The following SFMBT2 variants were observed in gnomAD, a reference collection of about 807,000 sequenced individuals.
SFMBT2 encodes the protein Scm like with four mbt domains 2.
SFMBT2 carries 38 observed loss-of-function variants against 110.1 expected under a neutral mutation model. The ratio of observed to expected loss-of-function variants is 0.35; its 90% CI spans 0.27 to 0.45. The LOEUF (loss-of-function observed/expected upper bound fraction) is 0.45. Among genes scored for constraint, SFMBT2 ranks in the 20% least tolerant of loss-of-function variants. SFMBT2 has a pLI of 1.00. For missense variants in SFMBT2, 1,011 were observed against 1,094.9 expected (o/e 0.92, Z 1.08); for synonymous variants, 425 against 425.4 (o/e 1.00, Z 0.01).
intron 16 of SFMBT2, among the ~76,000 whole-genome samples, chr10:7,179,000 G>T (rs1212364108): frequency 6.6e-6 from 1 of 151,774 alleles, no homozygotes; most frequent in Non-Finnish European, 1.5e-5. Flanking sequence ...TCTAAAGACT[G>T]GAAAAATACT....
chr10:7,387,761 T>C (rs1278190671), intron 1 of SFMBT2, among the ~76,000 whole-genome samples: 1 of 146,768 alleles, frequency 6.8e-6, no homozygotes, highest in Non-Finnish European at 1.5e-5. Flanking sequence ...CGAAACCCTG[T>C]CTCTATTAAA....
rs962796672 is a variant in SFMBT2 at position 7,171,426 on chromosome 10, T to C, written c.2416-370A>G. 3.1e-5 allele frequency: 31 copies of C among 985,306 alleles called. No homozygotes were observed. The highest frequency in any genetic ancestry group is 1.0e-3 in the Middle Eastern group (2 of 1,936). The allele number at this position is 985,306 out of a possible 1,614,324, so 61.0% of individuals were successfully genotyped here. A position where few individuals can be genotyped will look rare whatever the true frequency, so the allele number is the denominator to read the frequency against. The stretch of plus-strand genomic sequence containing the variant: ...GAGACAGTGTCCCCCAGTGTTTCTG[T>C]AATGGTGGTGCCAGTGGCCCTTTCT... On this transcript the variant is annotated intron_variant, in intron 19 of 20. Transcript: ENST00000397167. This position sits in a 1 kb window ranked among gnomAD's most constrained non-coding sequence, Gnocchi z 4.9.
intron 4 of SFMBT2, among the ~76,000 whole-genome samples, chr10:7,326,299 T>A (rs1375560492): frequency 6.6e-6 from 1 of 152,274 alleles, no homozygotes; most frequent in Non-Finnish European, 1.5e-5. Flanking sequence ...CCTTTGTGTC[T>A]GGCAGAACAT....
chr10:7,365,487 G>T (rs115165667), intron 4 of SFMBT2, among the ~76,000 whole-genome samples: 1 of 152,202 alleles, frequency 6.6e-6, no homozygotes, highest in African/African-American at 2.4e-5. Context: ...GTACACAGAC[G>T]AGTGGGTTCA....
rs779545530 is a variant in SFMBT2, at chr10:7,220,417, G to T, written c.1324C>A (p.Leu442Met). The change falls in exon 11 of 21, where the codon CTG becomes ATG. Residue 442 changes from leucine to methionine, a missense_variant. Leu to Met is a conservative substitution (Grantham distance 15). Transcript: ENST00000397167. ...SVKGRLMWLH[L>M]EGLQTPVPEV... ...ACCCCCAGCGAGTACGTACCTTCCA[G>T]GTGAAGCCACATTAGCCGCCCCTTC... The T allele has an allele frequency of 8.7e-6, 14 of 1,613,734 alleles. No individual in the cohort carries two copies. In the African/African-American group the frequency reaches 1.9e-4, roughly 22 times the overall value.
chr10:7,370,500 T>C (rs774191541), intron 2 of SFMBT2, 125 bp from the exon 3 acceptor site: 8 of 800,540 alleles, frequency 1.0e-5, no homozygotes, highest in Non-Finnish European at 1.6e-5. Context: ...CAGAAGGATA[T>C]TGCTGAATTT....
chr10:7,202,771 T>C, intron 12 of SFMBT2: 1 of 985,144 alleles, frequency 1.0e-6, no homozygotes, highest in South Asian at 4.7e-5. Context: ...CTACTTTATT[T>C]TTAAATGTGC....
intron 4 of SFMBT2, among the ~76,000 whole-genome samples, chr10:7,289,312 A>G (rs1842195084): frequency 6.6e-6 from 1 of 152,230 alleles, no homozygotes. Flanking sequence ...AGAAAGCTCT[A>G]TTTTCCACAG....
chr10:7,176,283 G>T, intron 16 of SFMBT2, 118 bp from the exon 17 acceptor site: 1 of 1,142,634 alleles, frequency 8.8e-7, no homozygotes, highest in Non-Finnish European at 1.2e-6. Context: ...CATATCGCGT[G>T]CAGTTTCCCA....
intron 16 of SFMBT2, among the ~76,000 whole-genome samples, chr10:7,183,456 C>T (rs1265759375): frequency 6.6e-6 from 1 of 152,214 alleles, no homozygotes; most frequent in Non-Finnish European, 1.5e-5. Context: ...CAGCGCAGGA[C>T]ACTGAGAACC....
chr10:7,368,457 G>A (rs753942612), intron 3 of SFMBT2: 25 of 606,224 alleles, frequency 4.1e-5, no homozygotes, highest in East Asian at 1.4e-4. Flanking sequence ...TCCGCTGTCC[G>A]CAAGTGGCCA....
At position 7,264,175 on chromosome 10, in the gene SFMBT2, G is replaced by A. The variant is rs148039705; in HGVS notation, c.870+12717C>T. ...TTATTTTAGCCTTCTCTACATGTCC[G>A]TGTCCCTTCCTTTATTAAACATCGA... is the stretch of plus-strand genomic sequence containing the variant. On this transcript the variant is annotated intron_variant, in intron 7 of 20. Transcript: ENST00000397167. 468 of 244,084 alleles carry A rather than the reference G, an allele frequency of 1.9e-3. 2 individuals carry two copies. The highest frequency in any genetic ancestry group is 0.01 in the African/African-American group (438 of 43,690). The allele number at this position is 244,084 out of a possible 1,614,324, so 15.1% of individuals were successfully genotyped here.
intron 7 of SFMBT2, 67 bp from the exon 8 acceptor site, chr10:7,248,716 T>A: frequency 7.0e-7 from 1 of 1,434,418 alleles, no homozygotes; most frequent in Non-Finnish European, 9.7e-7. Context: ...ACTGTCCGGA[T>A]GCGCTCCTGG....
chr10:7,212,788 G>A (rs190268194), intron 11 of SFMBT2, among the ~76,000 whole-genome samples: 6 of 152,278 alleles, frequency 3.9e-5, no homozygotes, highest in African/African-American at 1.4e-4. Context: ...GTCATGTTAT[G>A]GAATTTAGTC....
At chr10:7,373,862 C>T (rs1256269154) in intron 2 of SFMBT2, among the ~76,000 whole-genome samples, 1 of 152,174 alleles carries the variant, frequency 6.6e-6, no homozygotes, top group African/African-American at 2.4e-5. Context: ...GCATGAAACT[C>T]AGTCCTGGGC....
At position 7,200,449 on chromosome 10, in the gene SFMBT2, T is replaced by G. The variant is rs765647086; in HGVS notation, c.1523A>C (p.His508Pro). 1.9e-6 allele frequency: 3 copies of G among 1,601,730 alleles called. No individual in the cohort carries two copies. In the South Asian group the frequency reaches 3.4e-5, roughly 18 times the overall value. The change falls in exon 14 of 21, where the codon CAT (histidine) becomes CCT (proline). Residue 508 changes from histidine to proline, a missense_variant. Coordinates refer to ENST00000397167, the MANE Select transcript of SFMBT2 (RefSeq NM_001387889.1). The part of the protein sequence containing the change: ...PPTVPVKKIP[H>P]DLCLFPHLDT... ...CAGGTGAGGGAATAAACAAAGGTCA[T>G]GAGGTATTTTCTTAACAGGCACTGT...
chr10:7,208,115 G>A (rs1839209507), intron 11 of SFMBT2, among the ~76,000 whole-genome samples: 1 of 152,120 alleles, frequency 6.6e-6, no homozygotes, highest in East Asian at 1.9e-4. Context: ...AAACAAGAAA[G>A]AATATGTTCA....
intron 8 of SFMBT2, chr10:7,243,963 T>C (rs1840524139): frequency 3.7e-6 from 1 of 267,602 alleles, no homozygotes; most frequent in Non-Finnish European, 5.8e-6. Flanking sequence ...ATCAAAGACT[T>C]AGAGAAGTCA....
intron 14 of SFMBT2, among the ~76,000 whole-genome samples, chr10:7,199,452 C>CT (rs1352705604): frequency 2.0e-5 from 3 of 152,158 alleles, no homozygotes; most frequent in Admixed American, 2.0e-4. Flanking sequence ...GGAAGGCTTG[C>CT]TCTCATAAAG....
Sources: allele counts gnomAD v4.1 joint callset (sites outside exome capture counted in the v4.1 genomes callset), GRCh38; gene constraint gnomAD v4.1.1; non-coding constraint Gnocchi (gnomAD v3.1); transcripts MANE v1.5; gene names NCBI Gene and HGNC (gene_info 2026-07-23, HGNC 2026-07-21).